SLCO3A1: variants seen among roughly 807,000 people sequenced by gnomAD.
SLCO3A1 encodes PGE1 transporter.
In SLCO3A1, 27 loss-of-function variants were observed where a neutral mutation model predicts 63.1. The ratio of observed to expected loss-of-function variants is 0.43; its 90% confidence interval spans 0.32 to 0.59. SLCO3A1 has a LOEUF of 0.59. SLCO3A1 is among the 20% of genes least tolerant of loss of function. SLCO3A1 has a pLI of 0.09. For missense variants in SLCO3A1, 773 were observed against 945.8 expected, an observed-to-expected ratio of 0.82 and a Z score of 2.40; for synonymous variants, 473 against 409.9, an observed-to-expected ratio of 1.15 and a Z score of -1.86.
intron 9 of SLCO3A1, 198 bp from the exon 10 acceptor site, chr15:92,162,558 A>G (rs983799937): frequency 2.5e-6 from 2 of 802,942 alleles, no homozygotes; most frequent in African/African-American, 3.5e-5. Flanking sequence ...GGGCTTAAAT[A>G]ACTTGCTCAG....
Position 92,054,613 on chromosome 15 carries a change from C to G in SLCO3A1, c.647-40268C>G, listed in dbSNP as rs575641504. 1.7e-4 allele frequency among the ~76,000 whole-genome samples: 26 copies of G among 152,196 alleles called. 1 individual carries two copies. The South Asian group carries it at 5.2e-3, about 30-fold the overall frequency. The stretch of plus-strand genomic sequence containing the variant: ...CTGATGCTCTCCCTCCACCCACCCC[C>G]GCCCACAGGCCCCAGGGTGTGTTGT... On this transcript the variant is annotated intron_variant, in intron 2 of 9. Transcript: ENST00000318445.
Position 91,950,314 on chromosome 15 carries a change from G to A in SLCO3A1, c.646+33856G>A, listed in dbSNP as rs1899956633. 6.6e-6 allele frequency among the ~76,000 whole-genome samples: 1 copy of A among 152,208 alleles called. No homozygotes were observed. Among genetic ancestry groups the A allele is most frequent in the African/African-American group, 2.4e-5 (1 of 41,446 alleles). On this transcript the variant is annotated intron_variant, in intron 2 of 9. Coordinates refer to ENST00000318445, the MANE Select transcript of SLCO3A1 (RefSeq NM_013272.4). The surrounding 1 kb of genome is among the most constrained non-coding windows in gnomAD (Gnocchi z 4.4). ...GGGGAAGCAGAGATCAGTCTGCAGT[G>A]GTGGGTGAAGACAGCCAGTCGTGTT...
intron 3 of SLCO3A1, among the ~76,000 whole-genome samples, chr15:92,102,044 T>C (rs2151543731): frequency 6.6e-6 from 1 of 152,294 alleles, no homozygotes; most frequent in Middle Eastern, 3.4e-3. Flanking sequence ...TTTCTAATTT[T>C]GTTCCCCCAA....
chr15:92,046,779 C>T (rs570706510), intron 2 of SLCO3A1, among the ~76,000 whole-genome samples: 38 of 150,950 alleles, frequency 2.5e-4, no homozygotes, highest in African/African-American at 9.0e-4. Flanking sequence ...GATTTCATTC[C>T]GCAGAGAGTT....
intron 2 of SLCO3A1, among the ~76,000 whole-genome samples, chr15:92,043,587 C>T (rs984248431): frequency 6.6e-6 from 1 of 152,198 alleles, no homozygotes; most frequent in African/African-American, 2.4e-5. Flanking sequence ...GTTTGAATGG[C>T]AGCTTTTCAA....
chr15:91,930,579 AAATTT>A (rs759852301), intron 2 of SLCO3A1, among the ~76,000 whole-genome samples: 5 of 152,246 alleles, frequency 3.3e-5, no homozygotes, highest in Admixed American at 6.5e-5. Flanking sequence ...CAGAGGTGTT[AAATTT>A]AATTGTCTAC....
chr15:92,046,075 A>G (rs527603414), intron 2 of SLCO3A1, among the ~76,000 whole-genome samples: 1 of 152,302 alleles, frequency 6.6e-6, no homozygotes, highest in African/African-American at 2.4e-5. Context: ...TGTCTGATGT[A>G]TACATTAGGG....
intron 2 of SLCO3A1, among the ~76,000 whole-genome samples, chr15:91,994,136 A>G (rs1235608042): frequency 1.3e-5 from 2 of 152,214 alleles, no homozygotes; most frequent in Non-Finnish European, 2.9e-5. Flanking sequence ...GTGTTTTAAG[A>G]TAATCTATTA....
intron 2 of SLCO3A1, among the ~76,000 whole-genome samples, chr15:91,973,676 G>A (rs1465568440): frequency 1.3e-5 from 2 of 152,174 alleles, no homozygotes; most frequent in Admixed American, 6.5e-5. Flanking sequence ...TAACAGGGTT[G>A]GAACACAGGG....
chr15:92,040,993 T>C (rs550971748), intron 2 of SLCO3A1, among the ~76,000 whole-genome samples: 48 of 152,250 alleles, frequency 3.2e-4, no homozygotes, highest in Admixed American at 8.5e-4. Context: ...CGACATTCTG[T>C]GTGGCCTGGA....
intron 2 of SLCO3A1, among the ~76,000 whole-genome samples, chr15:91,980,133 A>G (rs1459543007): frequency 6.6e-6 from 1 of 152,146 alleles, no homozygotes; most frequent in African/African-American, 2.4e-5. Context: ...TGCATTGTTA[A>G]CAAGTCCTCT....
At chr15:92,157,426 C>G (rs1158753779) in intron 9 of SLCO3A1, among the ~76,000 whole-genome samples, 2 of 139,080 alleles carry the variant, frequency 1.4e-5, no homozygotes, top group African/African-American at 2.5e-5. Context: ...TACACCTGGC[C>G]CCCCCCCTTG....
intron 1 of SLCO3A1, among the ~76,000 whole-genome samples, chr15:91,909,510 A>T (rs933730360): frequency 3.9e-5 from 6 of 152,136 alleles, no homozygotes; most frequent in African/African-American, 1.4e-4. Context: ...CCACAGCGAG[A>T]TTGACATCTC....
chr15:92,070,885 C>T (rs1567102804), intron 2 of SLCO3A1, among the ~76,000 whole-genome samples: 1 of 152,068 alleles, frequency 6.6e-6, no homozygotes, highest in African/African-American at 2.4e-5. Context: ...GAACTATATA[C>T]TTAAAAATGG....
Position 92,148,495 on chromosome 15 carries a change from A to ATTACCATTTTAT in SLCO3A1, c.1688+1337_1688+1348dup, listed in dbSNP as rs1358790876. 2.3e-4 allele frequency among the ~76,000 whole-genome samples: 35 copies of ATTACCATTTTAT among 152,350 alleles called. No homozygotes were observed. The East Asian group carries it at 6.8e-3, about 29-fold the overall frequency. On this transcript the variant is annotated intron_variant, in intron 8 of 9. Transcript: ENST00000318445. ...GCAGAGCATTAGGGTATAATAGCAA[A>ATTACCATTTTAT]TTACCATTTTATACTTACTAAGTTT...
chr15:91,874,315 A>G (rs1018578386), intron 1 of SLCO3A1, among the ~76,000 whole-genome samples: 6 of 152,180 alleles, frequency 3.9e-5, no homozygotes, highest in African/African-American at 1.4e-4. Flanking sequence ...GGACTCCTAC[A>G]TTAAGTATAT....
intron 2 of SLCO3A1, among the ~76,000 whole-genome samples, chr15:92,055,783 A>T (rs1340009382): frequency 6.6e-6 from 1 of 152,192 alleles, no homozygotes; most frequent in Non-Finnish European, 1.5e-5. Context: ...GGTTATCAGG[A>T]AAGACGTTGT....
At chr15:91,979,763 G>A (rs1288121048) in intron 2 of SLCO3A1, among the ~76,000 whole-genome samples, 2 of 152,152 alleles carry the variant, frequency 1.3e-5, no homozygotes, top group Non-Finnish European at 2.9e-5. Flanking sequence ...GGTATACAAT[G>A]CATGTCAAGT....
chr15:92,006,402 G>A (rs1246321744), intron 2 of SLCO3A1, among the ~76,000 whole-genome samples: 1 of 152,200 alleles, frequency 6.6e-6, no homozygotes, highest in Non-Finnish European at 1.5e-5. Context: ...CTTTGGTACA[G>A]CTACTGAGTT....
Sources: gnomAD v4.1 joint callset for allele counts (sites outside exome capture counted in the v4.1 genomes callset) on GRCh38, gnomAD v4.1.1 for gene constraint, Gnocchi (gnomAD v3.1) non-coding constraint, MANE v1.5 for transcripts, NCBI Gene and HGNC (gene_info 2026-07-23, HGNC 2026-07-21) for gene names.